Variants in POMGNT1 observed in about 807,000 individuals in gnomAD.
POMGNT1 encodes the protein protein O-linked mannose N-acetylglucosaminyltransferase 1 (beta 1,2-), also known as protein O-linked-mannose beta-1,2-N-acetylglucosaminyltransferase 1.
In POMGNT1, 67 loss-of-function variants were observed where a neutral mutation model predicts 95.6. The ratio of observed to expected loss-of-function variants is 0.70; its 90% CI spans 0.58 to 0.86. The LOEUF (loss-of-function observed/expected upper bound fraction) is 0.86. Ranked by LOEUF, POMGNT1 falls within the 40% of genes least tolerant of loss-of-function variation. The probability of loss-of-function intolerance (pLI) is 0.00; values close to 1 mark genes in which losing one functional copy is unlikely to be tolerated. For missense variants in POMGNT1, 719 were observed against 855.2 expected, an observed-to-expected ratio of 0.84 and a Z score of 1.99; for synonymous variants, 298 against 317.9, an observed-to-expected ratio of 0.94 and a Z score of 0.66.
In POMGNT1 at chr1:46,196,849, T is replaced by C; in HGVS notation, c.236A>G (p.Asp79Gly). 1 of 1,614,166 alleles carries C rather than the reference T, an allele frequency of 6.2e-7. No individual in the cohort carries two copies. The highest frequency in any genetic ancestry group is 8.5e-7 in the Non-Finnish European group (1 of 1,180,034). Residue 79 changes from aspartate (D) to glycine (G), a missense_variant and splice_region_variant, in exon 4 of 22, where the codon GAT (aspartate) becomes GGT (glycine). Physicochemically the swap from Asp to Gly is moderately conservative, Grantham distance 94. Around this residue, in one of 5 missense-constraint regions of POMGNT1, gnomAD observed 466 missense variants for 517.4 expected, o/e 0.90. Coordinates refer to ENST00000371984, the MANE Select transcript of POMGNT1 (RefSeq NM_017739.4). This position sits in a 1 kb window ranked among gnomAD's most constrained non-coding sequence, Gnocchi z 4.4. ...NEDPEPEQDY[D>G]EALGRLEPPR... ...GGGCTCCAGGCGGCCTAGGGCCTCA[T>C]CTGTGGGGTACAACAGGTCATGGAG... is the stretch of plus-strand genomic sequence containing the variant.
chr1:46,197,757 T>C lies in POMGNT1; in HGVS notation c.65A>G (p.Tyr22Cys). ...TGTCAGTTTATACTTCCAGGTAAGG[T>C]ACCAGCTCCGCTTCTTCCGAGCCCC... is the stretch of plus-strand genomic sequence containing the variant. ...PFGARKKRSW[Y>C]LTWKYKLTNQ... The change falls in exon 2 of 22, where the codon TAC becomes TGC. Residue 22 changes from tyrosine to cysteine, a missense_variant. Physicochemically the swap from Tyr to Cys is radical, Grantham distance 194. Around this residue, in one of 5 missense-constraint regions of POMGNT1, gnomAD observed 466 missense variants for 517.4 expected, o/e 0.90. Transcript: ENST00000371984. 2.5e-6 allele frequency: 4 copies of C among 1,614,124 alleles called. No homozygotes were observed. The highest frequency in any genetic ancestry group is 3.4e-6 in the Non-Finnish European group (4 of 1,180,006).
chr1:46,202,920 G>GTGTGGTGTGTGTGTGTGTGT (rs540959987), upstream of POMGNT1, among the ~76,000 whole-genome samples: 1 of 64,516 alleles, frequency 1.6e-5, no homozygotes, highest in African/African-American at 6.6e-5. Context: ...GGGGGGGGGT[G>GTGTGGTGTGTGTGTGTGTGT]GTGTGTGTGT....
intron 1 of POMGNT1, among the ~76,000 whole-genome samples, chr1:46,205,405 G>A (rs1043609640): frequency 6.6e-6 from 1 of 152,202 alleles, no homozygotes; most frequent in African/African-American, 2.4e-5. Context: ...CAGATCATCT[G>A]ACTGCACTTT....
chr1:46,193,484 C>T lies in POMGNT1; in HGVS notation c.1026+80G>A, dbSNP rs188463616. On this transcript the variant is annotated intron_variant, in intron 11 of 21. Coordinates refer to ENST00000371984, the MANE Select transcript of POMGNT1 (RefSeq NM_017739.4). ...TCACATTTCACAGCCCTTGCCTGGG[C>T]GGTCTCCCTTGCCCGTCCCTGGCAA... 7.3e-5 allele frequency: 117 copies of T among 1,611,818 alleles called. No homozygotes were observed. In the African/African-American group the frequency reaches 1.3e-3, roughly 18 times the overall value.
rs199892471 is a variant in POMGNT1 at position 46,220,251 on chromosome 1, C to G, written c.-597G>C. 2.7e-5 allele frequency: 42 copies of G among 1,560,324 alleles called. No individual in the cohort carries two copies. The Admixed American group carries it at 4.0e-4, about 15-fold the overall frequency. ...ATTCCACCCTTTTGTAATCCTGTGG[C>G]TCTTTTATCCATTAGATGTGGTCTC... On this transcript the variant is annotated 5_prime_UTR_variant, in exon 1 of 23. Coordinates refer to the POMGNT1 transcript ENST00000371992.
intron 1 of POMGNT1, among the ~76,000 whole-genome samples, chr1:46,205,212 C>T (rs143448207): frequency 1.9e-3 from 290 of 152,072 alleles, no homozygotes; most frequent in African/African-American, 6.2e-3. Context: ...GAGCTGAAAT[C>T]GCACCACTGC....
chr1:46,189,548 A>G lies in POMGNT1; in HGVS notation c.1805T>C (p.Leu602Pro). 1 of 1,612,474 alleles carries G rather than the reference A, an allele frequency of 6.2e-7. No homozygotes were observed. The highest frequency in any genetic ancestry group is 8.5e-7 in the Non-Finnish European group (1 of 1,179,254). Residue 602 changes from leucine to proline, a missense_variant, in exon 21 of 22, where the codon CTG becomes CCG. Coordinates refer to ENST00000371984, the MANE Select transcript of POMGNT1 (RefSeq NM_017739.4). ...QLAKCLHIWD[L>P]DVRGNHRGLW... ...GCCCCGATGGTTGCCACGCACATCC[A>G]GGTCCCAGATATGGAGGCACTAGTG... is the stretch of plus-strand genomic sequence containing the variant.
chr1:46,197,545 A>T (rs755184512), intron 2 of POMGNT1, 157 bp downstream of exon 2: 5 of 962,130 alleles, frequency 5.2e-6, no homozygotes, highest in Non-Finnish European at 6.2e-6. Flanking sequence ...GGTTCAAATC[A>T]TTACCTATAG....
In POMGNT1 at chr1:46,219,426, C is replaced by T. The variant is rs183707691; in HGVS notation, c.-51+279G>A. On this transcript the variant is annotated intron_variant, in intron 1 of 22. Coordinates refer to the POMGNT1 transcript ENST00000371992. ...GCTGAGTACTTAATAGACAGCATTT[C>T]AGAATCCTCACAGCTACCCTGTGAG... is the stretch of plus-strand genomic sequence containing the variant. 2.6e-5 allele frequency among the ~76,000 whole-genome samples: 4 copies of T among 152,264 alleles called. No individual in the cohort carries two copies. In the East Asian group the frequency reaches 7.7e-4, roughly 29 times the overall value.
upstream of POMGNT1, chr1:46,203,415 G>A: frequency 6.9e-7 from 1 of 1,450,044 alleles, no homozygotes; most frequent in Non-Finnish European, 9.1e-7. Flanking sequence ...CCCTTTTCAG[G>A]CTTGGGCCCG....
chr1:46,190,097 C>CTTTTTTTTTT, intron 19 of POMGNT1, 108 bp from the exon 20 acceptor site: 1 of 807,238 alleles, frequency 1.2e-6, no homozygotes, highest in African/African-American at 1.9e-5. Flanking sequence ...CCTTGAAGTT[C>CTTTTTTTTTT]TTTTTTTTTT....
chr1:46,195,738 G>T, intron 6 of POMGNT1, 73 bp downstream of exon 6: 1 of 1,319,738 alleles, frequency 7.6e-7, no homozygotes, highest in Middle Eastern at 2.5e-4. Flanking sequence ...TTATATGAGG[G>T]GCAGAGAAGC....
At chr1:46,214,233 C>T (rs1174284761) in intron 1 of POMGNT1, among the ~76,000 whole-genome samples, 1 of 151,728 alleles carries the variant, frequency 6.6e-6, no homozygotes, top group African/African-American at 2.4e-5. Context: ...GTAATCCCAG[C>T]TATTCAGAAG....
rs1440961192 is a variant in POMGNT1, at chr1:46,197,023, G to C, written c.182C>G (p.Thr61Ser). 1.2e-6 allele frequency: 2 copies of C among 1,614,076 alleles called. No individual in the cohort carries two copies. The highest frequency in any genetic ancestry group is 2.7e-5 in the African/African-American group (2 of 74,920). The stretch of plus-strand genomic sequence containing the variant: ...ATTGGCTTCACTGATGGCTCGCCGA[G>C]TGTCCAGGATCAACTTGATATTGAC... The part of the protein sequence containing the change: ...VIVNIKLILD[T>S]RRAISEANED... Residue 61 changes from threonine to serine, a missense_variant, in exon 3 of 22, where the codon ACT becomes AGT. This residue lies in a region of POMGNT1 where 466 missense variants were observed against 517.4 expected (regional missense o/e 0.90). Transcript: ENST00000371984.
At chr1:46,201,118 C>T (rs35865534), upstream of POMGNT1, among the ~76,000 whole-genome samples, 26,906 of 151,214 alleles carry the variant, frequency 0.18, 2,431 homozygotes, top group Admixed American at 0.23. Context: ...GCAACAGAGC[C>T]GGACTCTGTC....
chr1:46,201,849 T>C (rs1658543026), upstream of POMGNT1, among the ~76,000 whole-genome samples: 1 of 150,600 alleles, frequency 6.6e-6, no homozygotes, highest in Non-Finnish European at 1.5e-5. Context: ...AATTGAGAAG[T>C]AGTGTGGCTG....
intron 6 of POMGNT1, 96 bp from the exon 7 acceptor site, chr1:46,195,057 T>C: frequency 9.4e-7 from 1 of 1,058,564 alleles, no homozygotes; most frequent in Non-Finnish European, 1.5e-6. Flanking sequence ...TTACTTAAAA[T>C]AGCTCATTAC....
Position 46,196,153 on chromosome 1 carries a change from C to T in POMGNT1, c.355-76G>A. ...GTCTCTGTCTTAGGGGTACTTAAAA[C>T]ACCAGCTGCTTGAAACATCACCTCC... On this transcript the variant is annotated intron_variant, in intron 4 of 21. Transcript: ENST00000371984. This position sits in a 1 kb window ranked among gnomAD's most constrained non-coding sequence, Gnocchi z 4.4. 1 of 1,608,070 alleles carries T rather than the reference C, an allele frequency of 6.2e-7. No individual in the cohort carries two copies. Among genetic ancestry groups the T allele is most frequent in the South Asian group, 1.1e-5 (1 of 90,172 alleles).
chr1:46,206,101 AC>A (rs1180439131), intron 1 of POMGNT1, among the ~76,000 whole-genome samples: 1 of 152,202 alleles, frequency 6.6e-6, no homozygotes, highest in African/African-American at 2.4e-5. Context: ...TAGTTCTCCC[AC>A]CCAAAGAACT....
Sources: gnomAD v4.1 joint callset for allele counts (sites outside exome capture counted in the v4.1 genomes callset) on GRCh38, gnomAD v4.1.1 for gene constraint, gnomAD v4.1.1 regional missense constraint, Gnocchi (gnomAD v3.1) non-coding constraint, MANE v1.5 for transcripts, NCBI Gene and HGNC (gene_info 2026-07-23, HGNC 2026-07-21) for gene names.